Variants in SCN10A observed in about 807,000 individuals in gnomAD.
SCN10A encodes sodium voltage-gated channel alpha subunit 10.
Under a neutral mutation model 170.7 loss-of-function variants are expected in SCN10A, and 162 were observed. The observed-to-expected ratio is 0.95, with a 90% CI of 0.84 to 1.08. The LOEUF (loss-of-function observed/expected upper bound fraction) is 1.08, where lower values mean the gene tolerates loss of function less well. SCN10A is among the 50% of genes least tolerant of loss of function. The pLI is 0.00. For synonymous variants in SCN10A, 985 were observed against 904.6 expected (o/e 1.09, Z -1.59); for missense variants, 2,527 against 2,436.9 (o/e 1.04, Z -0.78).
At chr3:38,718,342 G>A (rs2063353571) in intron 21 of SCN10A, among the ~76,000 whole-genome samples, 1 of 152,216 alleles carries the variant, frequency 6.6e-6, no homozygotes, top group African/African-American at 2.4e-5. Context: ...TATGGATGCA[G>A]GGCCATAAGA....
chr3:38,755,990 AGTATTTGCTTGGACTTAGC>A, intron 10 of SCN10A, 32 bp from the exon 11 acceptor site: 1 of 1,613,630 alleles, frequency 6.2e-7, no homozygotes, highest in Non-Finnish European at 8.5e-7. Flanking sequence ...TGTAGCCAAT[AGTATTTGCTTGGACTTAGC>A]ATGAATGTGT....
At chr3:38,747,497 A>G (rs918235312) in intron 13 of SCN10A, among the ~76,000 whole-genome samples, 1 of 152,230 alleles carries the variant, frequency 6.6e-6, no homozygotes, top group Non-Finnish European at 1.5e-5. Flanking sequence ...TTTAATCCTC[A>G]CAAAACTCTA....
chr3:38,760,721 T>A lies in SCN10A; in HGVS notation c.910A>T (p.Thr304Ser). 6.2e-7 allele frequency: 1 copy of A among 1,614,018 alleles called. No individual in the cohort carries two copies. The highest frequency in any genetic ancestry group is 8.5e-7 in the Non-Finnish European group (1 of 1,179,872). Residue 304 changes from threonine (T) to serine (S), a missense_variant, in exon 8 of 28, where the codon ACT becomes TCT. Coordinates refer to ENST00000449082, the MANE Select transcript of SCN10A (RefSeq NM_006514.4). ...KPDIYINKRGTSDPLLCGNGS... is the reference protein window; with the variant it reads ...KPDIYINKRGSSDPLLCGNGS... ...TTGCCACACAGTAAGGGGTCAGAAGTGCCTCGCTTATTTATGTAGATATCT... is the reference window on the plus strand; with the variant it reads ...TTGCCACACAGTAAGGGGTCAGAAGAGCCTCGCTTATTTATGTAGATATCT...
chr3:38,740,752 G>T (rs1049887502), intron 14 of SCN10A, among the ~76,000 whole-genome samples: 1 of 152,164 alleles, frequency 6.6e-6, no homozygotes, highest in Non-Finnish European at 1.5e-5. Flanking sequence ...TAAAGCACCT[G>T]ACTCATTGCA....
At chr3:38,779,743 T>TTAGTTTA (rs2064116365) in intron 4 of SCN10A, among the ~76,000 whole-genome samples, 1 of 152,012 alleles carries the variant, frequency 6.6e-6, no homozygotes, top group Non-Finnish European at 1.5e-5. Flanking sequence ...TTATATAATT[T>TTAGTTTA]TAGTTTATAG....
At position 38,702,024 on chromosome 3, in the gene SCN10A, A is replaced by T; in HGVS notation, c.4472T>A (p.Ile1491Asn). ...TIMVLICLNM[I>N]TMMVETDDQS... is the part of the protein sequence containing the mutation. ...GTCATCAGTCTCCACCATCATGGTGATCATGTTGAGGCAGATGAGGACCAT... is the reference window on the plus strand; with the variant it reads ...GTCATCAGTCTCCACCATCATGGTGTTCATGTTGAGGCAGATGAGGACCAT... The change falls in exon 27 of 28, where the codon ATC (isoleucine) becomes AAC (asparagine). Residue 1491 changes from isoleucine to asparagine, a missense_variant. Physicochemically the swap from Ile to Asn is moderately radical, Grantham distance 149. Transcript: ENST00000449082. 2 of 1,613,342 alleles carry T rather than the reference A, an allele frequency of 1.2e-6. No homozygotes were observed. The highest frequency in any genetic ancestry group is 1.7e-6 in the Non-Finnish European group (2 of 1,179,644).
intron 1 of SCN10A, 79 bp from the exon 2 acceptor site, chr3:38,794,121 T>G (rs888775226): frequency 9.9e-7 from 1 of 1,012,032 alleles, no homozygotes; most frequent in Non-Finnish European, 1.5e-6. Flanking sequence ...CCATCTTGAT[T>G]GTCAGAACAG....
At chr3:38,700,246 T>A (rs2063142727) in intron 27 of SCN10A, among the ~76,000 whole-genome samples, 1 of 152,154 alleles carries the variant, frequency 6.6e-6, no homozygotes, top group Non-Finnish European at 1.5e-5. Flanking sequence ...GTCAAACTCA[T>A]GGGAGCAGAG....
intron 20 of SCN10A, 131 bp downstream of exon 20, chr3:38,722,127 C>T (rs950269083): frequency 3.4e-6 from 3 of 888,390 alleles, no homozygotes; most frequent in Non-Finnish European, 5.1e-6. Flanking sequence ...CTGCAGCTCT[C>T]CTTCTAGTGA....
intron 13 of SCN10A, among the ~76,000 whole-genome samples, chr3:38,746,040 C>CGT (rs1553619531): frequency 2.5e-5 from 2 of 78,640 alleles, no homozygotes; most frequent in East Asian, 3.6e-4. Context: ...TATATATATA[C>CGT]ATATATATAT....
chr3:38,724,973 T>C (rs941153847), intron 18 of SCN10A, among the ~76,000 whole-genome samples: 3 of 152,152 alleles, frequency 2.0e-5, no homozygotes, highest in African/African-American at 7.2e-5. Context: ...ATTGTGGCAA[T>C]GGTATATGGT....
intron 4 of SCN10A, 80 bp from the exon 5 acceptor site, chr3:38,771,487 T>A (rs971205093): frequency 1.4e-6 from 2 of 1,397,434 alleles, no homozygotes; most frequent in Non-Finnish European, 2.0e-6. Context: ...GAGGGAGGGA[T>A]GACCTGCTCT....
rs1415061824 is a variant in SCN10A, at chr3:38,718,727, G to A, written c.3607C>T (p.Leu1203Phe). The change falls in exon 21 of 28, where the codon CTT (leucine) becomes TTT (phenylalanine). Residue 1203 changes from leucine (L) to phenylalanine (F), a missense_variant. Coordinates refer to ENST00000449082, the MANE Select transcript of SCN10A (RefSeq NM_006514.4). ...TTGAAGCCATAGGCCACCCACTTAA[G>A]CAGCATCTCGAACACAAAGATAAAG... The part of the protein sequence containing the change: ...FTFIFVFEML[L>F]KWVAYGFKKY... 2.5e-6 allele frequency: 4 copies of A among 1,614,096 alleles called. No individual in the cohort carries two copies. In the East Asian group the frequency reaches 6.7e-5, roughly 27 times the overall value.
At chr3:38,722,129 T>C (rs1180294413) in intron 20 of SCN10A, 129 bp downstream of exon 20, 48 of 904,658 alleles carry the variant, frequency 5.3e-5, no homozygotes, top group Middle Eastern at 3.3e-4. Flanking sequence ...GCAGCTCTCC[T>C]TCTAGTGACA....
Position 38,697,321 on chromosome 3 carries a change from T to C in SCN10A, c.*28A>G. 1 of 1,608,120 alleles carries C rather than the reference T, an allele frequency of 6.2e-7. No homozygotes were observed. The highest frequency in any genetic ancestry group is 1.1e-5 in the South Asian group (1 of 90,558). On this transcript the variant is annotated 3_prime_UTR_variant, in exon 28 of 28. Coordinates refer to ENST00000449082, the MANE Select transcript of SCN10A (RefSeq NM_006514.4). Reference sequence around the variant, plus strand: ...ACAGAGCAGAAGGACGCATCATAACTGAACATATCCAGGCTGGAGTGTTCT... The same window carrying C: ...ACAGAGCAGAAGGACGCATCATAACCGAACATATCCAGGCTGGAGTGTTCT...
intron 1 of SCN10A, 92 bp downstream of exon 1, chr3:38,815,945 G>A (rs919567427): frequency 1.3e-5 from 2 of 152,116 alleles, no homozygotes; most frequent in African/African-American, 4.8e-5. Flanking sequence ...TTTGTTTTTG[G>A]TTTATGAATA....
intron 26 of SCN10A, among the ~76,000 whole-genome samples, chr3:38,706,764 G>A (rs1452302387): frequency 6.6e-6 from 1 of 152,148 alleles, no homozygotes; most frequent in African/African-American, 2.4e-5. Flanking sequence ...CTTTAAACTC[G>A]AGTGGGATAA....
At chr3:38,807,060 G>C (rs1401993856) in intron 1 of SCN10A, among the ~76,000 whole-genome samples, 2 of 151,976 alleles carry the variant, frequency 1.3e-5, no homozygotes, top group African/African-American at 2.4e-5. Context: ...GATTCCTTTC[G>C]AATTCTTGGA....
chr3:38,772,282 G>A (rs994906545), intron 4 of SCN10A, among the ~76,000 whole-genome samples: 4 of 145,222 alleles, frequency 2.8e-5, no homozygotes, highest in Non-Finnish European at 6.0e-5. Flanking sequence ...GGAATTTGAA[G>A]GATGCTTCTA....
Sources: gnomAD v4.1 joint callset for allele counts (sites outside exome capture counted in the v4.1 genomes callset) on GRCh38, gnomAD v4.1.1 for gene constraint, MANE v1.5 for transcripts, NCBI Gene and HGNC (gene_info 2026-07-23, HGNC 2026-07-21) for gene names.